MED12L: variants seen among roughly 807,000 people sequenced by gnomAD.
The protein encoded by MED12L is mediator complex subunit 12L.
In MED12L, 60 loss-of-function variants were observed where a neutral mutation model predicts 281.3. The ratio of observed to expected loss-of-function variants is 0.21; its 90% CI spans 0.17 to 0.26. The LOEUF is 0.26. Ranked by LOEUF, MED12L falls within the 10% of genes least tolerant of loss-of-function variation. MED12L has a pLI of 1.00. For synonymous variants in MED12L, 974 were observed against 987.2 expected (o/e 0.99, Z 0.25); for missense variants, 2,146 against 2,680.9 (o/e 0.80, Z 4.41).
intron 35 of MED12L, chr3:151,384,745 T>C (rs949615027): frequency 1.9e-5 from 6 of 318,118 alleles, no homozygotes; most frequent in Non-Finnish European, 3.4e-5. Flanking sequence ...GCTCCTGTCT[T>C]CTGATTGTGA....
chr3:151,367,175 C>T (rs559716095), intron 23 of MED12L, among the ~76,000 whole-genome samples: 11 of 151,208 alleles, frequency 7.3e-5, no homozygotes, highest in African/African-American at 1.2e-4. Context: ...GTTTTTAAAA[C>T]GAGTTTAATC....
chr3:151,185,468 T>C lies in MED12L; in HGVS notation c.1626+7T>C. The C allele has an allele frequency of 6.2e-7, 1 of 1,613,610 alleles. No homozygotes were observed. The highest frequency in any genetic ancestry group is 8.5e-7 in the Non-Finnish European group (1 of 1,179,782). ...AGCAGAAATTGAGGCAGAGGTAGGTTCCATTTTCTTTCTGCTTGTTGAATG... is the reference window on the plus strand; with the variant it reads ...AGCAGAAATTGAGGCAGAGGTAGGTCCCATTTTCTTTCTGCTTGTTGAATG... On this transcript the variant is annotated splice_region_variant and intron_variant, in intron 12 of 44. Transcript: ENST00000687756.
intron 16 of MED12L, among the ~76,000 whole-genome samples, chr3:151,301,512 A>G (rs952873794): frequency 6.6e-6 from 1 of 152,218 alleles, no homozygotes; most frequent in African/African-American, 2.4e-5. Context: ...AAATATTTGC[A>G]TGTTATATTT....
At chr3:151,345,246 T>C (rs543861058) in intron 16 of MED12L, among the ~76,000 whole-genome samples, 1 of 152,280 alleles carries the variant, frequency 6.6e-6, no homozygotes, top group South Asian at 2.1e-4. Context: ...TAGCCTGACG[T>C]CTCCTGTAAC....
Position 151,411,477 on chromosome 3 carries a change from C to G in MED12L, c.6110C>G (p.Pro2037Arg). The change falls in exon 41 of 45, where the codon CCG (proline) becomes CGG (arginine). Residue 2037 changes from proline (P) to arginine (R), a missense_variant. Transcript: ENST00000687756. ...GGCTATGTTCAGCAGCAGGCCTCGC[C>G]GTACCTGCAGCCCCTGACTGGCTCT... ...PSGYVQQQAS[P>R]YLQPLTGSQR... 8 of 1,614,172 alleles carry G rather than the reference C, an allele frequency of 5.0e-6. No homozygotes were observed. Among genetic ancestry groups the G allele is most frequent in the Non-Finnish European group, 6.8e-6 (8 of 1,180,026 alleles).
intron 16 of MED12L, among the ~76,000 whole-genome samples, chr3:151,313,174 C>A (rs1257734860): frequency 1.3e-5 from 2 of 152,174 alleles, no homozygotes; most frequent in Non-Finnish European, 2.9e-5. Flanking sequence ...GTGCTCCTAA[C>A]TACCGCTCTG....
chr3:151,113,897 A>G (rs1280713964), intron 2 of MED12L, among the ~76,000 whole-genome samples: 1 of 152,234 alleles, frequency 6.6e-6, no homozygotes, highest in Non-Finnish European at 1.5e-5. Flanking sequence ...ATACTAAACT[A>G]TCTGGTTCTT....
chr3:151,418,366 G>T (rs571147612), intron 43 of MED12L, among the ~76,000 whole-genome samples: 1 of 152,036 alleles, frequency 6.6e-6, no homozygotes, highest in East Asian at 1.9e-4. Flanking sequence ...TTATTGCATT[G>T]ATTTTCTTTT....
intron 16 of MED12L, chr3:151,329,550 A>G (rs1313682142): frequency 7.2e-6 from 11 of 1,528,344 alleles, no homozygotes; most frequent in Non-Finnish European, 9.7e-6. Flanking sequence ...ACAAATGAGC[A>G]TGTGAAGCAA....
rs146245581 is a variant in MED12L at position 151,144,641 on chromosome 3, G to A, written c.557-11520G>A. ...AGTATTTAGATATTGCCTTATAATG[G>A]CCTTGTCTTTCCTGGGGTACTGCCC... On this transcript the variant is annotated intron_variant, in intron 5 of 44. Coordinates refer to ENST00000687756, the MANE Select transcript of MED12L (RefSeq NM_001393769.1). 6.6e-5 allele frequency among the ~76,000 whole-genome samples: 10 copies of A among 152,234 alleles called. No individual in the cohort carries two copies. In the East Asian group the frequency reaches 1.9e-3, roughly 29 times the overall value.
At chr3:151,311,066 C>T (rs1020005771) in intron 16 of MED12L, among the ~76,000 whole-genome samples, 1 of 152,152 alleles carries the variant, frequency 6.6e-6, no homozygotes, top group African/African-American at 2.4e-5. Flanking sequence ...ATTTCAGGTG[C>T]CTGCAACTTT....
chr3:151,167,980 A>T (rs1027736852), intron 11 of MED12L, among the ~76,000 whole-genome samples: 15 of 152,080 alleles, frequency 9.9e-5, no homozygotes, highest in Non-Finnish European at 1.9e-4. Flanking sequence ...TATCATAACC[A>T]CCTTAGTTTT....
At chr3:151,252,804 A>G (rs899160307) in intron 16 of MED12L, among the ~76,000 whole-genome samples, 1 of 152,272 alleles carries the variant, frequency 6.6e-6, no homozygotes, top group East Asian at 1.9e-4. Flanking sequence ...TCTAGAACTT[A>G]TCTAGAAAAC....
At chr3:151,396,486 G>T (rs1445418146) in intron 39 of MED12L, among the ~76,000 whole-genome samples, 2 of 152,060 alleles carry the variant, frequency 1.3e-5, no homozygotes, top group African/African-American at 4.8e-5. Flanking sequence ...ATTAGGCATG[G>T]TAGAGCATGC....
At chr3:151,284,041 A>G (rs564058693) in intron 16 of MED12L, among the ~76,000 whole-genome samples, 1 of 152,350 alleles carries the variant, frequency 6.6e-6, no homozygotes, top group East Asian at 1.9e-4. Context: ...GGCCTTGGGA[A>G]GTCACTGAGT....
At chr3:151,176,673 A>G (rs537320467) in intron 11 of MED12L, among the ~76,000 whole-genome samples, 171 of 152,324 alleles carry the variant, frequency 1.1e-3, no homozygotes, top group Non-Finnish European at 2.0e-3. Flanking sequence ...CTGTAGTGAC[A>G]CATTGCCATA....
intron 39 of MED12L, among the ~76,000 whole-genome samples, chr3:151,406,545 T>C (rs1716330761): frequency 6.6e-6 from 1 of 152,170 alleles, no homozygotes. Flanking sequence ...TGAATTATTT[T>C]CCATACTTAA....
At chr3:151,091,754 A>G (rs1720075189) in intron 2 of MED12L, among the ~76,000 whole-genome samples, 1 of 152,138 alleles carries the variant, frequency 6.6e-6, no homozygotes, top group Non-Finnish European at 1.5e-5. Flanking sequence ...TCAAGGCCCT[A>G]CCAGTCTGGC....
intron 16 of MED12L, among the ~76,000 whole-genome samples, chr3:151,201,512 G>A (rs950716603): frequency 6.6e-6 from 1 of 152,198 alleles, no homozygotes; most frequent in African/African-American, 2.4e-5. Context: ...AGTCAGTTGA[G>A]GAGATTGAGG....
Sources: gnomAD v4.1 joint callset for allele counts (sites outside exome capture counted in the v4.1 genomes callset) on GRCh38, gnomAD v4.1.1 for gene constraint, MANE v1.5 for transcripts, NCBI Gene and HGNC (gene_info 2026-07-23, HGNC 2026-07-21) for gene names.